Variants in ADGRL4 observed in about 807,000 individuals in gnomAD.
ADGRL4 encodes the protein adhesion G protein-coupled receptor L4.
ADGRL4 carries 90 observed loss-of-function variants against 74.8 expected under a neutral mutation model. The ratio of observed to expected loss-of-function variants is 1.20; its 90% confidence interval spans 1.02 to 1.43. ADGRL4 has a LOEUF of 1.43. Ranked by LOEUF, ADGRL4 falls within the 40% of genes most tolerant of loss-of-function variation. The pLI is 0.00. For synonymous variants in ADGRL4, 311 were observed against 279.2 expected (o/e 1.11, Z -1.14); for missense variants, 881 against 814.3 (o/e 1.08, Z -1.00).
chr1:78,997,162 T>G (rs1041237920), intron 2 of ADGRL4, among the ~76,000 whole-genome samples: 23 of 140,244 alleles, frequency 1.6e-4, no homozygotes, highest in Admixed American at 1.2e-3. Context: ...GGTCTGGACC[T>G]AGATTAAAAA....
chr1:78,939,508 C>G (rs1045156920), intron 3 of ADGRL4: 1 of 237,434 alleles, frequency 4.2e-6, no homozygotes, highest in Non-Finnish European at 7.7e-6. Flanking sequence ...AAAAAATAGG[C>G]TTTCATTTCT....
intron 2 of ADGRL4, among the ~76,000 whole-genome samples, chr1:78,978,296 G>A (rs1650329281): frequency 6.6e-6 from 1 of 151,862 alleles, no homozygotes; most frequent in African/African-American, 2.4e-5. Flanking sequence ...TGCCTTCTGT[G>A]AAGATTCAAC....
intron 4 of ADGRL4, 114 bp downstream of exon 4, chr1:78,939,074 G>A (rs1336602207): frequency 3.9e-6 from 5 of 1,277,982 alleles, no homozygotes; most frequent in East Asian, 3.2e-5. Context: ...AAACGTTTTC[G>A]ACTCTCCCTA....
At chr1:78,938,076 T>G (rs760216552) in intron 5 of ADGRL4, 24 bp downstream of exon 5, 1 of 1,608,904 alleles carries the variant, frequency 6.2e-7, no homozygotes, top group South Asian at 1.1e-5. Flanking sequence ...TCAATTATAT[T>G]GAGTTAAAGC....
intron 2 of ADGRL4, among the ~76,000 whole-genome samples, chr1:78,992,849 TAACA>T (rs1650635758): frequency 6.6e-6 from 1 of 152,152 alleles, no homozygotes; most frequent in South Asian, 2.1e-4. Context: ...TACAGCTGAC[TAACA>T]AACTATACAA....
chr1:78,903,337 A>G (rs1269206648), intron 12 of ADGRL4, among the ~76,000 whole-genome samples: 1 of 152,166 alleles, frequency 6.6e-6, no homozygotes, highest in Non-Finnish European at 1.5e-5. Flanking sequence ...AATTCATACT[A>G]CTAAGGAAAA....
chr1:78,992,940 G>A (rs1025681287), intron 2 of ADGRL4, among the ~76,000 whole-genome samples: 1 of 152,044 alleles, frequency 6.6e-6, no homozygotes, highest in Non-Finnish European at 1.5e-5. Context: ...TGGGCAGAAA[G>A]GAAGTAGAAA....
intron 2 of ADGRL4, among the ~76,000 whole-genome samples, chr1:78,987,082 AT>A (rs909783204): frequency 3.3e-5 from 5 of 151,718 alleles, no homozygotes; most frequent in African/African-American, 9.6e-5. Context: ...GTCTCAGATA[AT>A]TTTTTTTACC....
intron 2 of ADGRL4, among the ~76,000 whole-genome samples, chr1:78,969,645 G>T (rs1381803432): frequency 6.6e-6 from 1 of 151,398 alleles, no homozygotes; most frequent in Non-Finnish European, 1.5e-5. Context: ...CAAATAATCA[G>T]GACAAGTATA....
chr1:78,982,835 G>A (rs916267737), intron 2 of ADGRL4, among the ~76,000 whole-genome samples: 7 of 151,736 alleles, frequency 4.6e-5, no homozygotes, highest in Admixed American at 4.6e-4. Flanking sequence ...GGGTTTCTCT[G>A]AAAAAAGAGG....
rs754363942 is a variant in ADGRL4, at chr1:78,891,671, G to T, written c.1863C>A (p.Leu621=). Reference sequence around the variant, plus strand: ...TGGTGCCGAGAAGGAACAGAAGAGCGAGGGCTCCTCTTGCACAAGACCTAT... The same window carrying T: ...TGGTGCCGAGAAGGAACAGAAGAGCTAGGGCTCCTCTTGCACAAGACCTAT... ...ENIRSCARGA[L]ALLFLLGTTW... is the part of the protein sequence containing the mutation. Residue 621 remains leucine, a synonymous_variant, in exon 14 of 15, where the codon CTC becomes CTA. Coordinates refer to ENST00000370742, the MANE Select transcript of ADGRL4 (RefSeq NM_022159.4). 6.2e-7 allele frequency: 1 copy of T among 1,612,478 alleles called. No individual in the cohort carries two copies. Among genetic ancestry groups the T allele is most frequent in the Non-Finnish European group, 8.5e-7 (1 of 1,179,362 alleles).
At chr1:78,979,772 C>T (rs1650363631) in intron 2 of ADGRL4, among the ~76,000 whole-genome samples, 1 of 151,836 alleles carries the variant, frequency 6.6e-6, no homozygotes, top group East Asian at 1.9e-4. Flanking sequence ...AGCAGGAGGC[C>T]GTTATTCTAA....
chr1:78,980,196 ACC>A (rs200388511), intron 2 of ADGRL4, among the ~76,000 whole-genome samples: 93 of 151,418 alleles, frequency 6.1e-4, no homozygotes, highest in African/African-American at 2.1e-3. Flanking sequence ...ACACACACAC[ACC>A]CACACACCAG....
intron 2 of ADGRL4, among the ~76,000 whole-genome samples, chr1:78,952,333 T>TTTTC (rs1387506410): frequency 6.6e-6 from 1 of 150,598 alleles, no homozygotes; most frequent in Non-Finnish European, 1.5e-5. Flanking sequence ...GAAAGCTTTT[T>TTTTC]TTTTTTTTTT....
chr1:78,985,319 C>T (rs1013552301), intron 2 of ADGRL4, among the ~76,000 whole-genome samples: 10 of 151,654 alleles, frequency 6.6e-5, no homozygotes, highest in East Asian at 3.9e-4. Flanking sequence ...TACATAAAAG[C>T]AGGCTTACAA....
At chr1:78,989,202 T>C (rs1650556222) in intron 2 of ADGRL4, among the ~76,000 whole-genome samples, 1 of 151,818 alleles carries the variant, frequency 6.6e-6, no homozygotes, top group South Asian at 2.1e-4. Flanking sequence ...TTAAACTATT[T>C]CAAGAATTTA....
At chr1:78,963,920 T>G (rs1173491756) in intron 2 of ADGRL4, among the ~76,000 whole-genome samples, 1 of 152,168 alleles carries the variant, frequency 6.6e-6, no homozygotes, top group Non-Finnish European at 1.5e-5. Flanking sequence ...TGACACTGAG[T>G]GTAATCAAAT....
intron 2 of ADGRL4, among the ~76,000 whole-genome samples, chr1:78,996,633 A>G (rs1373982111): frequency 1.3e-5 from 2 of 152,096 alleles, no homozygotes; most frequent in African/African-American, 2.4e-5. Context: ...CTTCAGTAAG[A>G]CTTCTATTAG....
chr1:78,910,221 T>A (rs1214630077), intron 12 of ADGRL4, among the ~76,000 whole-genome samples: 1 of 151,852 alleles, frequency 6.6e-6, no homozygotes, highest in Admixed American at 6.6e-5. Context: ...AAGAATGTCT[T>A]ACATAATAAC....
Sources: allele counts gnomAD v4.1 joint callset (sites outside exome capture counted in the v4.1 genomes callset), GRCh38; gene constraint gnomAD v4.1.1; transcripts MANE v1.5; gene names NCBI Gene and HGNC (gene_info 2026-07-23, HGNC 2026-07-21).